The following CD101 variants were observed in gnomAD, a reference collection of about 807,000 sequenced individuals.
The protein encoded by CD101 is CD101 molecule.
A neutral mutation model predicts 98.2 loss-of-function variants in CD101; 76 were observed. The ratio of observed to expected loss-of-function variants is 0.77; its 90% CI spans 0.64 to 0.94. The LOEUF (loss-of-function observed/expected upper bound fraction) is 0.94, where lower values mean the gene tolerates loss of function less well. CD101 is among the 40% of genes least tolerant of loss of function. The pLI, the probability that CD101 is intolerant of heterozygous loss-of-function variation, is 0.00. For synonymous variants in CD101, 471 were observed against 472.7 expected, an observed-to-expected ratio of 1.00 and a Z score of 0.05; for missense variants, 1,145 against 1,218.8, an observed-to-expected ratio of 0.94 and a Z score of 0.90.
chr1:117,034,274 G>A (rs958493340), intron 9 of CD101, 140 bp downstream of exon 9: 41 of 698,294 alleles, frequency 5.9e-5, no homozygotes, highest in Non-Finnish European at 1.9e-5. Context: ...GCACTGTTAG[G>A]TGTTCCTTTG....
rs373669366 is a variant in CD101, at chr1:117,004,815, G to C, written c.43+2955G>C. On this transcript the variant is annotated intron_variant, in intron 1 of 9. Transcript: ENST00000682167. The surrounding 1 kb of genome is among the most constrained non-coding windows in gnomAD (Gnocchi z 4.1). ...CTATTTCTTTCACTTTTCTCAGAAA[G>C]TAGTATGTCTTAGACTGTTTGGCGT... Among the ~76,000 whole-genome samples the C allele has an allele frequency of 7.7e-5, 11 of 143,570 alleles. No homozygotes were observed. Among genetic ancestry groups the C allele is most frequent in the African/African-American group, 2.5e-4 (10 of 39,588 alleles). 94.2% of individuals were successfully genotyped at this position (143,570 alleles called of 152,430 possible).
intron 1 of CD101, among the ~76,000 whole-genome samples, chr1:117,009,374 C>G (rs1441831063): frequency 2.0e-5 from 3 of 152,232 alleles, no homozygotes; most frequent in Non-Finnish European, 4.4e-5. Flanking sequence ...TAGTTCCAAC[C>G]AACCAGCTAG....
chr1:117,032,423 A>C (rs1029287969), intron 8 of CD101: 1 of 152,220 alleles, frequency 6.6e-6, no homozygotes, highest in Admixed American at 6.5e-5. Flanking sequence ...AGGTGAGCGA[A>C]TGTCTAGATT....
rs1468157438 is a variant in CD101 at position 117,017,387 on chromosome 1, A to G, written c.1526A>G (p.Tyr509Cys). Residue 509 changes from tyrosine (Y) to cysteine (C), a missense_variant, in exon 5 of 10, where the codon TAT becomes TGT. Coordinates refer to ENST00000682167, the MANE Select transcript of CD101 (RefSeq NM_001256106.3). Reference sequence around the variant, plus strand: ...ACTGCCATCACAGACAGTGGCACATATGAGTGCAGAGTATCTGAGAAGTCT... The same window carrying G: ...ACTGCCATCACAGACAGTGGCACATGTGAGTGCAGAGTATCTGAGAAGTCT... ...TFTAITDSGT[Y>C]ECRVSEKSRN... 1 of 1,614,224 alleles carries G rather than the reference A, an allele frequency of 6.2e-7. No individual in the cohort carries two copies. The highest frequency in any genetic ancestry group is 1.1e-5 in the South Asian group (1 of 91,086).
intron 5 of CD101, among the ~76,000 whole-genome samples, chr1:117,017,862 G>T (rs1653334498): frequency 6.6e-6 from 1 of 152,196 alleles, no homozygotes; most frequent in South Asian, 2.1e-4. Context: ...CAGACGACTA[G>T]GGTGGGGAGT....
rs1653623004 is a variant in CD101 at position 117,022,081 on chromosome 1, A to G, written c.2428+98A>G. 1 of 1,352,174 alleles carries G rather than the reference A, an allele frequency of 7.4e-7. No homozygotes were observed. The highest frequency in any genetic ancestry group is 1.5e-5 in the African/African-American group (1 of 68,658). The allele number at this position is 1,352,174 out of a possible 1,614,324, so 83.8% of individuals were successfully genotyped here. A position where few individuals can be genotyped will look rare whatever the true frequency, so the allele number is the denominator to read the frequency against. On this transcript the variant is annotated intron_variant, in intron 7 of 9. Coordinates refer to ENST00000682167, the MANE Select transcript of CD101 (RefSeq NM_001256106.3). The surrounding 1 kb of genome is among the most constrained non-coding windows in gnomAD (Gnocchi z 4.8). ...GGAGTGATTATGTGGAAGTAAAAATATGACCTAAAGTCATAGGAACAGTAT... is the reference window on the plus strand; with the variant it reads ...GGAGTGATTATGTGGAAGTAAAAATGTGACCTAAAGTCATAGGAACAGTAT...
chr1:117,026,933 G>C (rs919720208), intron 8 of CD101: 9 of 152,128 alleles, frequency 5.9e-5, no homozygotes, highest in Non-Finnish European at 1.5e-5. Flanking sequence ...CCACCTGGCT[G>C]TTCCTTCCTG....
At position 117,010,280 on chromosome 1, in the gene CD101, TCCACC is replaced by T; in HGVS notation, c.424+51_424+55del. 6.4e-7 allele frequency: 1 copy of T among 1,557,060 alleles called. No homozygotes were observed. Among genetic ancestry groups the T allele is most frequent in the South Asian group, 1.2e-5 (1 of 82,632 alleles). The stretch of plus-strand genomic sequence containing the variant: ...AGCCAGCCCCTGAGAAGCCAGAGTC[TCCACC>T]ATGACAATATCTTGCAATATGACAT... On this transcript the variant is annotated intron_variant, in intron 2 of 9. Transcript: ENST00000682167. The surrounding 1 kb of genome is among the most constrained non-coding windows in gnomAD (Gnocchi z 5.2).
chr1:117,034,742 G>A (rs1412033029), intron 9 of CD101, among the ~76,000 whole-genome samples: 3 of 152,044 alleles, frequency 2.0e-5, no homozygotes, highest in Admixed American at 6.6e-5. Context: ...CTGAGTTTGG[G>A]GCTTTTTGTT....
chr1:117,024,350 G>A (rs1033841739), intron 7 of CD101, among the ~76,000 whole-genome samples: 2 of 152,242 alleles, frequency 1.3e-5, no homozygotes, highest in African/African-American at 4.8e-5. Context: ...GGTGGCCCAT[G>A]CCTGTAATCC....
intron 8 of CD101, among the ~76,000 whole-genome samples, chr1:117,030,163 G>T (rs1462453741): frequency 6.6e-6 from 1 of 152,140 alleles, no homozygotes; most frequent in Non-Finnish European, 1.5e-5. Flanking sequence ...CCAGCACTTT[G>T]GGAGGCTGAG....
chr1:117,033,469 G>A lies in CD101; in HGVS notation c.2825-391G>A, dbSNP rs777361959. The stretch of plus-strand genomic sequence containing the variant: ...CTGTGTGTTGGAGGAGCAGCAGTGG[G>A]AATAACTCAGTTAAAAATTCAGGAC... On this transcript the variant is annotated intron_variant, in intron 8 of 9. Transcript: ENST00000682167. The surrounding 1 kb of genome is among the most constrained non-coding windows in gnomAD (Gnocchi z 4.8). Among the ~76,000 whole-genome samples, 1 of 152,164 alleles carries A rather than the reference G, an allele frequency of 6.6e-6. No individual in the cohort carries two copies. The highest frequency in any genetic ancestry group is 2.4e-5 in the African/African-American group (1 of 41,436).
At position 117,025,523 on chromosome 1, in the gene CD101, G is replaced by A. The variant is rs765979938; in HGVS notation, c.2443G>A (p.Val815Ile). Residue 815 changes from valine (V) to isoleucine (I), a missense_variant, in exon 8 of 10, where the codon GTC (valine) becomes ATC (isoleucine). Transcript: ENST00000682167. ...TTATTTTCTAGGAAGTAAGGTACGT[G>A]TCTCCAAAGTGTACTGGACCGAAAA... is the stretch of plus-strand genomic sequence containing the variant. ...KLKPTGSKVR[V>I]SKVYWTENVT... The A allele has an allele frequency of 6.4e-7, 1 of 1,559,084 alleles. No homozygotes were observed. Among genetic ancestry groups the A allele is most frequent in the South Asian group, 1.2e-5 (1 of 85,222 alleles).
rs1653397684 is a variant in CD101, at chr1:117,018,646, T to C, written c.2017+86T>C. Reference sequence around the variant, plus strand: ...TTGGGTAAGTTATAACAATAAAACATAAAATACTTTCTCCCATATTTGTTC... The same window carrying C: ...TTGGGTAAGTTATAACAATAAAACACAAAATACTTTCTCCCATATTTGTTC... On this transcript the variant is annotated intron_variant, in intron 6 of 9. Transcript: ENST00000682167. The surrounding 1 kb of genome is among the most constrained non-coding windows in gnomAD (Gnocchi z 4.3). 1 of 1,266,648 alleles carries C rather than the reference T, an allele frequency of 7.9e-7. No individual in the cohort carries two copies. The highest frequency in any genetic ancestry group is 1.1e-6 in the Non-Finnish European group (1 of 922,374). The allele number at this position is 1,266,648 out of a possible 1,614,324, so 78.5% of individuals were successfully genotyped here.
chr1:117,018,186 G>A lies in CD101; in HGVS notation c.1643G>A (p.Arg548His), dbSNP rs756431651. ...AGTTTACAAGTTAGTCTGATGAGCC[G>A]TCAGCCGCAAGTGATGTTAACCAAC... ...ESSLQVSLMSRQPQVMLTNTF... is the reference protein window; with the variant it reads ...ESSLQVSLMSHQPQVMLTNTF... The change falls in exon 6 of 10, where the codon CGT becomes CAT. Residue 548 changes from arginine to histidine, a missense_variant. Arg to His is a conservative substitution (Grantham distance 29, BLOSUM62 0). Coordinates refer to ENST00000682167, the MANE Select transcript of CD101 (RefSeq NM_001256106.3). This position sits in a 1 kb window ranked among gnomAD's most constrained non-coding sequence, Gnocchi z 4.3. 7.5e-6 allele frequency: 12 copies of A among 1,605,022 alleles called. No homozygotes were observed. The highest frequency in any genetic ancestry group is 2.2e-5 in the South Asian group (2 of 90,166).
chr1:117,014,595 A>G (rs906352228), intron 4 of CD101, among the ~76,000 whole-genome samples: 2 of 152,190 alleles, frequency 1.3e-5, no homozygotes, highest in African/African-American at 4.8e-5. Context: ...TTGTGAAGAA[A>G]AACAGACATA....
In CD101 at chr1:117,018,030, A is replaced by T; in HGVS notation, c.1613-126A>T. 1.1e-6 allele frequency: 1 copy of T among 929,126 alleles called. No homozygotes were observed. The highest frequency in any genetic ancestry group is 1.6e-6 in the Non-Finnish European group (1 of 637,984). The allele number at this position is 929,126 out of a possible 1,614,324, so 57.6% of individuals were successfully genotyped here. On this transcript the variant is annotated intron_variant, in intron 5 of 9. Coordinates refer to ENST00000682167, the MANE Select transcript of CD101 (RefSeq NM_001256106.3). The surrounding 1 kb of genome is among the most constrained non-coding windows in gnomAD (Gnocchi z 4.3). ...ACTGGGAATCAATTTCTACTCTATAAAATAGGAAACTCCAAATGTACAAAT... is the reference window on the plus strand; with the variant it reads ...ACTGGGAATCAATTTCTACTCTATATAATAGGAAACTCCAAATGTACAAAT...
At chr1:117,016,188 A>ATATATATATATATTTATT in intron 4 of CD101, among the ~76,000 whole-genome samples, 1 of 143,490 alleles carries the variant, frequency 7.0e-6, no homozygotes, top group East Asian at 2.0e-4. Context: ...ACACACATTT[A>ATATATATATATATTTATT]TATATATATA....
At chr1:117,016,238 T>C (rs1229914944) in intron 4 of CD101, among the ~76,000 whole-genome samples, 1 of 148,748 alleles carries the variant, frequency 6.7e-6, no homozygotes, top group East Asian at 1.9e-4. Flanking sequence ...TATGTATATA[T>C]ACACGTATTT....
Sources: allele counts gnomAD v4.1 joint callset (sites outside exome capture counted in the v4.1 genomes callset), GRCh38; gene constraint gnomAD v4.1.1; non-coding constraint Gnocchi (gnomAD v3.1); transcripts MANE v1.5; gene names NCBI Gene and HGNC (gene_info 2026-07-23, HGNC 2026-07-21).